MACF1: variants seen among roughly 807,000 people sequenced by gnomAD.
The protein encoded by MACF1 is microtubule-actin cross-linking factor 1.
MACF1 carries 193 observed loss-of-function variants against 854.8 expected under a neutral mutation model. The observed-to-expected ratio is 0.23, with a 90% CI of 0.20 to 0.25. The LOEUF (loss-of-function observed/expected upper bound fraction) is 0.25, where lower values mean the gene tolerates loss of function less well. MACF1 is among the 10% of genes least tolerant of loss of function. The probability of loss-of-function intolerance (pLI) is 1.00; values close to 1 mark genes in which losing one functional copy is unlikely to be tolerated. For missense variants in MACF1, 7,722 were observed against 8,929.1 expected, an observed-to-expected ratio of 0.86 and a Z score of 5.45; for synonymous variants, 3,185 against 3,226.7, an observed-to-expected ratio of 0.99 and a Z score of 0.44.
chr1:39,153,913 C>T (rs1232659679), intron 2 of MACF1, among the ~76,000 whole-genome samples: 1 of 152,132 alleles, frequency 6.6e-6, no homozygotes, highest in East Asian at 1.9e-4. Context: ...TTTGTTGCTC[C>T]CTGAATAGGT....
In MACF1 at chr1:39,297,673, C is replaced by T. The variant is rs776483034; in HGVS notation, c.2409C>T (p.Ser803=). 6 of 1,614,156 alleles carry T rather than the reference C, an allele frequency of 3.7e-6. No homozygotes were observed. The highest frequency in any genetic ancestry group is 5.1e-6 in the Non-Finnish European group (6 of 1,180,018). ...CATTCTTGAGGAACCTCCAAGATTC[C>T]ATTAAACGAAAATATTCCTGTGACC... is the stretch of plus-strand genomic sequence containing the variant. The part of the protein sequence containing the change: ...LESFLRNLQD[S]IKRKYSCDHN... Residue 803 remains serine (S), a synonymous_variant, in exon 21 of 101, where the codon TCC becomes TCT. Coordinates refer to ENST00000564288, the MANE Select transcript of MACF1 (RefSeq NM_001394062.1).
chr1:39,262,237 A>G (rs1403389630), intron 6 of MACF1, among the ~76,000 whole-genome samples: 1 of 151,858 alleles, frequency 6.6e-6, no homozygotes, highest in East Asian at 1.9e-4. Context: ...CCCCATCTCT[A>G]CTAAAAATAC....
In MACF1 at chr1:39,107,105, T is replaced by A. The variant is rs117921452; in HGVS notation, c.220+22667T>A. On this transcript the variant is annotated intron_variant, in intron 2 of 93. Transcript: ENST00000361689. ...TAAGTTTCCTTTGCAGGCTTTTGAG[T>A]AACACTGCTCTCTTCAGAGAGAGGA... is the stretch of plus-strand genomic sequence containing the variant. 2.2e-4 allele frequency among the ~76,000 whole-genome samples: 33 copies of A among 152,200 alleles called. No homozygotes were observed. In the East Asian group the frequency reaches 6.2e-3, roughly 28 times the overall value.
intron 2 of MACF1, among the ~76,000 whole-genome samples, chr1:39,146,461 AAAAG>A (rs1011758799): frequency 2.8e-4 from 42 of 151,000 alleles, no homozygotes; most frequent in African/African-American, 5.7e-4. Flanking sequence ...AAAAAAAAAA[AAAAG>A]AAAGAAAGAA....
Position 39,447,580 on chromosome 1 carries a change from A to T in MACF1, c.19754A>T (p.Glu6585Val), listed in dbSNP as rs775123663. 4 of 1,614,200 alleles carry T rather than the reference A, an allele frequency of 2.5e-6. No homozygotes were observed. The highest frequency in any genetic ancestry group is 3.4e-6 in the Non-Finnish European group (4 of 1,180,018). Residue 6585 changes from glutamate to valine, a missense_variant, in exon 81 of 101, where the codon GAG becomes GTG. Coordinates refer to ENST00000564288, the MANE Select transcript of MACF1 (RefSeq NM_001394062.1). ...AATACTGTCCTTTCCCAGATAGAAG[A>T]GCACAAGGTAAGTATGATATTATGA... Reference protein sequence around the residue: ...ILNTVLSQIEEHKVFANEVNA... With the variant: ...ILNTVLSQIEVHKVFANEVNA...
intron 42 of MACF1, 29 bp from the exon 43 acceptor site, chr1:39,350,756 C>G: frequency 6.4e-7 from 1 of 1,551,274 alleles, no homozygotes; most frequent in Non-Finnish European, 8.9e-7. Context: ...AAGTCGAAGG[C>G]TCTGCCATTC....
rs558127613 is a variant in MACF1 at position 39,381,331 on chromosome 1, A to G, written c.13649-622A>G. Among the ~76,000 whole-genome samples, 20 of 138,558 alleles carry G rather than the reference A, an allele frequency of 1.4e-4. No homozygotes were observed. The South Asian group carries it at 4.5e-3, about 31-fold the overall frequency. 90.9% of individuals were successfully genotyped at this position (138,558 alleles called of 152,430 possible). On this transcript the variant is annotated intron_variant, in intron 55 of 100. Transcript: ENST00000564288. ...CTCGGCCTCCCAAAGTGCTGGGATT[A>G]CAGGTGTGAGCCACCATGCCTGGCC...
chr1:39,241,449 C>T (rs1644921448), intron 2 of MACF1, among the ~76,000 whole-genome samples: 1 of 152,036 alleles, frequency 6.6e-6, no homozygotes, highest in African/African-American at 2.4e-5. Context: ...CACTTGAGGT[C>T]AGGCGTTCGG....
rs550397039 is a variant in MACF1, at chr1:39,243,016, C to T, written c.172-6998C>T. 2.0e-5 allele frequency among the ~76,000 whole-genome samples: 3 copies of T among 152,264 alleles called. No individual in the cohort carries two copies. In the East Asian group the frequency reaches 5.8e-4, roughly 29 times the overall value. ...AACTTGTGTTTAACCTGTTAGTAAC[C>T]ATCACATTATTTTCGAAAGCAACTG... On this transcript the variant is annotated intron_variant, in intron 2 of 100. Coordinates refer to ENST00000564288, the MANE Select transcript of MACF1 (RefSeq NM_001394062.1).
chr1:39,453,503 G>A (rs1644378104), intron 87 of MACF1, among the ~76,000 whole-genome samples: 1 of 152,176 alleles, frequency 6.6e-6, no homozygotes, highest in Non-Finnish European at 1.5e-5. Flanking sequence ...ATCTCCACCA[G>A]AGAAAGTCAT....
intron 41 of MACF1, among the ~76,000 whole-genome samples, chr1:39,348,533 T>A (rs1647107574): frequency 6.6e-6 from 1 of 152,224 alleles, no homozygotes; most frequent in African/African-American, 2.4e-5. Context: ...TCTGCACCCA[T>A]CCTAACCCAT....
chr1:39,463,224 C>T (rs1351652440), intron 93 of MACF1, among the ~76,000 whole-genome samples: 3 of 152,162 alleles, frequency 2.0e-5, no homozygotes, highest in Admixed American at 1.3e-4. Context: ...TGGTGGCTCA[C>T]GCCTGTAATC....
At chr1:39,448,437 A>C (rs557992543) in intron 83 of MACF1, among the ~76,000 whole-genome samples, 157 bp from the exon 84 acceptor site, 4 of 152,276 alleles carry the variant, frequency 2.6e-5, no homozygotes, top group African/African-American at 7.2e-5. Context: ...AAAAATTATA[A>C]ATTTCTTAAG....
chr1:39,131,143 C>T (rs1396209524), intron 2 of MACF1, among the ~76,000 whole-genome samples: 3 of 137,864 alleles, frequency 2.2e-5, no homozygotes, highest in East Asian at 2.3e-4. Flanking sequence ...TGAGCCACTG[C>T]GCCCGGCCTT....
At chr1:39,244,205 A>T (rs1389271192) in intron 2 of MACF1, among the ~76,000 whole-genome samples, 1 of 151,844 alleles carries the variant, frequency 6.6e-6, no homozygotes, top group Non-Finnish European at 1.5e-5. Context: ...CCTGGGTTCA[A>T]GCAGTTCTCC....
At chr1:39,262,975 C>A (rs72661940) in intron 6 of MACF1, among the ~76,000 whole-genome samples, 25 of 145,710 alleles carry the variant, frequency 1.7e-4, no homozygotes, top group East Asian at 4.1e-4. Flanking sequence ...AGTGCCCCCC[C>A]ACCCCCCGCC....
At chr1:39,112,237 C>T (rs1304381679) in intron 2 of MACF1, among the ~76,000 whole-genome samples, 6 of 151,512 alleles carry the variant, frequency 4.0e-5, no homozygotes, top group Admixed American at 3.9e-4. Context: ...CAGATACATG[C>T]CACCACGCCC....
In MACF1 at chr1:39,331,172, CTTTTTTTTTTTTTTT is replaced by C. The variant is rs71060310; in HGVS notation, c.4615-17_4615-3del. 1.8e-4 allele frequency: 236 copies of C among 1,301,832 alleles called. No individual in the cohort carries two copies. Among genetic ancestry groups the C allele is most frequent in the African/African-American group, 1.0e-3 (50 of 48,770 alleles). The allele number at this position is 1,301,832 out of a possible 1,614,324, so 80.6% of individuals were successfully genotyped here. ...TCAGTTTTCTTTTTCTTCTCTTTTC[CTTTTTTTTTTTTTTT>C]TTTTTTTTTTTTTAGGAATGCAGAG... On this transcript the variant is annotated splice_polypyrimidine_tract_variant and intron_variant, in intron 36 of 100. Coordinates refer to ENST00000564288, the MANE Select transcript of MACF1 (RefSeq NM_001394062.1).
At chr1:39,210,920 T>A (rs191021913) in intron 1 of MACF1, among the ~76,000 whole-genome samples, 172 of 150,960 alleles carry the variant, frequency 1.1e-3, no homozygotes, top group Non-Finnish European at 1.8e-3. Context: ...TTCCCCTCTC[T>A]CCCTCCCTCC....
Sources: allele counts gnomAD v4.1 joint callset (sites outside exome capture counted in the v4.1 genomes callset), GRCh38; gene constraint gnomAD v4.1.1; transcripts MANE v1.5; gene names NCBI Gene and HGNC (gene_info 2026-07-23, HGNC 2026-07-21).